The following IL17RC variants were observed in gnomAD, a reference collection of about 807,000 sequenced individuals.
IL17RC encodes interleukin-17 receptor C.
Under a neutral mutation model 86.7 loss-of-function variants are expected in IL17RC, and 53 were observed. That is an observed-to-expected ratio of 0.61 (90% CI 0.49 to 0.77). The LOEUF (loss-of-function observed/expected upper bound fraction) is 0.77. Among genes scored for constraint, IL17RC ranks in the 30% least tolerant of loss-of-function variants. The pLI is 0.00. For missense variants in IL17RC, 957 were observed against 940.0 expected (o/e 1.02, Z -0.24); for synonymous variants, 439 against 413.1 (o/e 1.06, Z -0.76).
At chr3:9,920,024 C>G (rs145870453) in intron 5 of IL17RC, among the ~76,000 whole-genome samples, 228 of 152,188 alleles carry the variant, frequency 1.5e-3, no homozygotes, top group South Asian at 3.5e-3. Context: ...TCACTCAAAC[C>G]CTTTGACTTT....
At position 9,929,833 on chromosome 3, in the gene IL17RC, C is replaced by A; in HGVS notation, c.1111-19C>A. ...TTTTGCTTTTCTTAGTGGCCCTAAC[C>A]ATGGTCTCTTCCCAGCAGGTGAACA... On this transcript the variant is annotated intron_variant, in intron 12 of 18. Coordinates refer to ENST00000403601, the MANE Select transcript of IL17RC (RefSeq NM_153460.4). The A allele has an allele frequency of 6.2e-7, 1 of 1,614,056 alleles. No homozygotes were observed. The highest frequency in any genetic ancestry group is 8.5e-7 in the Non-Finnish European group (1 of 1,179,936).
At chr3:9,928,135 G>A (rs777742294) in intron 9 of IL17RC, 31 bp from the exon 10 acceptor site, 2 of 1,611,070 alleles carry the variant, frequency 1.2e-6, no homozygotes, top group South Asian at 2.2e-5. Context: ...CCCATGGAGG[G>A]GACCTGAGCA....
rs9864177 is a variant in IL17RC at position 9,920,977 on chromosome 3, C to T, written c.622+8C>T. ...GCATCCCGAGCTGCTGGGGTAGGGG[C>T]TAGGGCCAGTGGGCCGGGGGTAGGG... On this transcript the variant is annotated splice_region_variant and intron_variant, in intron 7 of 18. Transcript: ENST00000403601. 1.6e-3 allele frequency: 2,545 copies of T among 1,563,550 alleles called. 32 individuals are homozygous for T. The African/African-American group carries it at 0.031, about 19-fold the overall frequency.
rs1425205500 is a variant in IL17RC at position 9,928,131 on chromosome 3, G to A, written c.823-35G>A. On this transcript the variant is annotated intron_variant, in intron 9 of 18. Coordinates refer to ENST00000403601, the MANE Select transcript of IL17RC (RefSeq NM_153460.4). Reference sequence around the variant, plus strand: ...GCAGAGGGCCAGGCACATGCCCATGGAGGGGACCTGAGCAGACCCCCATTT... The same window carrying A: ...GCAGAGGGCCAGGCACATGCCCATGAAGGGGACCTGAGCAGACCCCCATTT... The A allele has an allele frequency of 3.7e-6, 6 of 1,605,414 alleles. No individual in the cohort carries two copies. In the South Asian group the frequency reaches 5.5e-5, roughly 15 times the overall value.
chr3:9,922,009 G>A (rs999429825), intron 7 of IL17RC, among the ~76,000 whole-genome samples: 2 of 138,790 alleles, frequency 1.4e-5, no homozygotes, highest in African/African-American at 5.5e-5. Context: ...CTGGACTGCA[G>A]TGGTGTGATC....
rs2125120917 is a variant in IL17RC at position 9,917,936 on chromosome 3, C to G, written c.141C>G (p.Leu47=). ...LSCRLWDSDI[L]CLPGDIVPAP... ...CTCCACACACAGACAGTGACATACTCTGCCTGCCTGGGGACATCGTGCCTG... is the reference window on the plus strand; with the variant it reads ...CTCCACACACAGACAGTGACATACTGTGCCTGCCTGGGGACATCGTGCCTG... Residue 47 remains leucine, a synonymous_variant, in exon 3 of 19, where the codon CTC becomes CTG. Coordinates refer to ENST00000403601, the MANE Select transcript of IL17RC (RefSeq NM_153460.4). 6.2e-7 allele frequency: 1 copy of G among 1,613,440 alleles called. No homozygotes were observed. The highest frequency in any genetic ancestry group is 1.1e-5 in the South Asian group (1 of 91,084).
chr3:9,918,184 T>C, intron 3 of IL17RC, 109 bp downstream of exon 3: 1 of 1,351,462 alleles, frequency 7.4e-7, no homozygotes, highest in Non-Finnish European at 1.0e-6. Flanking sequence ...AGTGTTCTCC[T>C]GGAGGACACC....
At position 9,917,166 on chromosome 3, in the gene IL17RC, T is replaced by G; in HGVS notation, c.-150T>G. ...CTCCCAGGACAGAGAGTGCACAAAC[T>G]ACCCAGCACAGCCCCCTCCGCCCCC... On this transcript the variant is annotated 5_prime_UTR_variant, in exon 1 of 19. Transcript: ENST00000403601. 1 of 628,122 alleles carries G rather than the reference T, an allele frequency of 1.6e-6. No homozygotes were observed. Among genetic ancestry groups the G allele is most frequent in the Non-Finnish European group, 2.8e-6 (1 of 359,568 alleles). 38.9% of individuals were successfully genotyped at this position (628,122 alleles called of 1,614,324 possible).
intron 16 of IL17RC, 111 bp from the exon 17 acceptor site, chr3:9,932,497 A>G (rs1384686999): frequency 1.0e-6 from 1 of 975,340 alleles, no homozygotes; most frequent in East Asian, 2.4e-5. Flanking sequence ...AAGTGCTGGG[A>G]TTATATAAAG....
At position 9,933,328 on chromosome 3, in the gene IL17RC, G is replaced by A. The variant is rs748646849; in HGVS notation, c.1898G>A (p.Cys633Tyr). Residue 633 changes from cysteine (C) to tyrosine (Y), a missense_variant, in exon 19 of 19, where the codon TGC becomes TAC. Transcript: ENST00000403601. The part of the protein sequence containing the change: ...GRAPGSYVGA[C>Y]FDRLLHPDAV... ...GCGCCCGGCAGCTACGTGGGGGCCTGCTTCGACAGGCTGCTCCACCCGGAC... is the reference window on the plus strand; with the variant it reads ...GCGCCCGGCAGCTACGTGGGGGCCTACTTCGACAGGCTGCTCCACCCGGAC... The A allele has an allele frequency of 6.2e-7, 1 of 1,608,950 alleles. No homozygotes were observed. The highest frequency in any genetic ancestry group is 1.1e-5 in the South Asian group (1 of 90,340).
At position 9,921,624 on chromosome 3, in the gene IL17RC, CTT is replaced by C. The variant is rs113901070; in HGVS notation, c.622+672_622+673del. Reference sequence around the variant, plus strand: ...AAAGTATGTAAAGGGTACTGATTTTCTTTTTTTTTTTTTTTTTTGAGACAGAG... The same window carrying C: ...AAAGTATGTAAAGGGTACTGATTTTCTTTTTTTTTTTTTTTTGAGACAGAG... On this transcript the variant is annotated intron_variant, in intron 7 of 18. Transcript: ENST00000403601. 9.0e-3 allele frequency among the ~76,000 whole-genome samples: 1,219 copies of C among 135,634 alleles called. 3 individuals are homozygous for C. Among genetic ancestry groups the C allele is most frequent in the African/African-American group, 0.033 (1,128 of 34,302 alleles). The allele number at this position is 135,634 out of a possible 152,430, so 89.0% of individuals were successfully genotyped here.
intron 12 of IL17RC, 129 bp from the exon 13 acceptor site, chr3:9,929,723 A>G: frequency 1.1e-6 from 1 of 931,528 alleles, no homozygotes; most frequent in Non-Finnish European, 1.8e-6. Context: ...TTGAATCCAC[A>G]TCTGCCTCAG....
chr3:9,928,859 T>C (rs185821412), intron 12 of IL17RC, among the ~76,000 whole-genome samples: 1 of 152,314 alleles, frequency 6.6e-6, no homozygotes, highest in Admixed American at 6.5e-5. Context: ...AACTACCTCA[T>C]GGAGTGGTTG....
Position 9,930,163 on chromosome 3 carries a change from G to A in IL17RC, c.1278+14G>A, listed in dbSNP as rs368291940. Reference sequence around the variant, plus strand: ...AAAGCCTCCACGGTTAGGACTGGGCGACCCTCCTCCACAGATCTCTCCAAA... The same window carrying A: ...AAAGCCTCCACGGTTAGGACTGGGCAACCCTCCTCCACAGATCTCTCCAAA... On this transcript the variant is annotated intron_variant, in intron 14 of 18. Coordinates refer to ENST00000403601, the MANE Select transcript of IL17RC (RefSeq NM_153460.4). This position sits in a 1 kb window ranked among gnomAD's most constrained non-coding sequence, Gnocchi z 5.8. The A allele has an allele frequency of 2.7e-5, 44 of 1,613,474 alleles. No individual in the cohort carries two copies. In the Middle Eastern group the frequency reaches 1.5e-3, roughly 54 times the overall value.
At chr3:9,931,599 C>G (rs1469101909) in intron 16 of IL17RC, among the ~76,000 whole-genome samples, 1 of 151,160 alleles carries the variant, frequency 6.6e-6, no homozygotes, top group Admixed American at 6.6e-5. Context: ...CTCTGCCTCC[C>G]GGGTTCAAGC....
intron 16 of IL17RC, among the ~76,000 whole-genome samples, chr3:9,931,920 A>G (rs144834572): frequency 6.6e-6 from 1 of 151,774 alleles, no homozygotes; most frequent in Non-Finnish European, 1.5e-5. Context: ...AGTTGCAGAC[A>G]CCCAGGACAG....
At position 9,930,643 on chromosome 3, in the gene IL17RC, C is replaced by T. The variant is rs1252379583; in HGVS notation, c.1338+184C>T. ...CTAGACACCCATAAACAGATAACCA[C>T]ACCTACAGGTGCTAAGTTTTGGGTT... On this transcript the variant is annotated intron_variant, in intron 15 of 18. Transcript: ENST00000403601. This position sits in a 1 kb window ranked among gnomAD's most constrained non-coding sequence, Gnocchi z 5.8. 2 of 690,870 alleles carry T rather than the reference C, an allele frequency of 2.9e-6. No individual in the cohort carries two copies. The highest frequency in any genetic ancestry group is 5.3e-5 in the Admixed American group (2 of 37,414). 42.8% of individuals were successfully genotyped at this position (690,870 alleles called of 1,614,324 possible). A position where few individuals can be genotyped will look rare whatever the true frequency, so the allele number is the denominator to read the frequency against.
intron 10 of IL17RC, 24 bp downstream of exon 10, chr3:9,928,244 G>C: frequency 6.4e-7 from 1 of 1,574,718 alleles, no homozygotes; most frequent in Non-Finnish European, 8.5e-7. Flanking sequence ...CCTGGGGCTG[G>C]GGTTGGGGTG....
chr3:9,927,300 T>C (rs537583443), intron 9 of IL17RC, among the ~76,000 whole-genome samples: 28 of 152,330 alleles, frequency 1.8e-4, no homozygotes, highest in Non-Finnish European at 3.4e-4. Context: ...GGCTCACACC[T>C]GTAATCCCAG....
Sources: allele counts gnomAD v4.1 joint callset (sites outside exome capture counted in the v4.1 genomes callset), GRCh38; gene constraint gnomAD v4.1.1; non-coding constraint Gnocchi (gnomAD v3.1); transcripts MANE v1.5; gene names NCBI Gene and HGNC (gene_info 2026-07-23, HGNC 2026-07-21).